AR: variants seen among roughly 807,000 people sequenced by gnomAD.
AR encodes the protein androgen receptor, also known as dihydrotestosterone receptor.
AR carries 8 observed loss-of-function variants against 53.9 expected under a neutral mutation model. That is an observed-to-expected ratio of 0.15 (90% CI 0.09 to 0.27). AR has a LOEUF of 0.27. Among genes scored for constraint, AR ranks in the 10% least tolerant of loss-of-function variants. AR has a pLI of 1.00. For synonymous variants in AR, 359 were observed against 316.4 expected, an observed-to-expected ratio of 1.13 and a Z score of -1.43; for missense variants, 639 against 742.5, an observed-to-expected ratio of 0.86 and a Z score of 1.62.
intron 3 of AR, among the ~76,000 whole-genome samples, chrX:67,697,099 A>G (rs912140881): frequency 1.4e-4 from 16 of 111,981 alleles, no homozygotes; most frequent in South Asian, 1.1e-3. Context: ...TACCTACAGA[A>G]TAAAATACTG....
At position 67,556,802 on chromosome X, in the gene AR, C is replaced by T. The variant is rs903527605; in HGVS notation, c.1616+10040C>T. 2.7e-5 allele frequency among the ~76,000 whole-genome samples: 3 copies of T among 111,586 alleles called. No individual in the cohort carries two copies. The Admixed American group carries it at 2.9e-4, about 11-fold the overall frequency. On this transcript the variant is annotated intron_variant, in intron 1 of 7. Coordinates refer to ENST00000374690, the MANE Select transcript of AR (RefSeq NM_000044.6). ...ATTAGGAAATGAGCTGCTATTTGGA[C>T]ATCTGGAGTTAGAATATTCCAGGCC... is the stretch of plus-strand genomic sequence containing the variant.
At position 67,642,692 on chromosome X, in the gene AR, G is replaced by A. The variant is rs145149291; in HGVS notation, c.1617-564G>A. On this transcript the variant is annotated intron_variant, in intron 1 of 7. Coordinates refer to ENST00000374690, the MANE Select transcript of AR (RefSeq NM_000044.6). Reference sequence around the variant, plus strand: ...AGACTTTTATGATAATACTAATCACGATCCTTGTGTATTTATTCCAATGGC... The same window carrying A: ...AGACTTTTATGATAATACTAATCACAATCCTTGTGTATTTATTCCAATGGC... Among the ~76,000 whole-genome samples, 470 of 111,659 alleles carry A rather than the reference G, an allele frequency of 4.2e-3. 1 individual carries two copies. Among genetic ancestry groups the A allele is most frequent in the Non-Finnish European group, 7.2e-3 (382 of 53,096 alleles).
intron 1 of AR, among the ~76,000 whole-genome samples, chrX:67,642,446 A>G (rs932808366): frequency 8.9e-6 from 1 of 111,832 alleles, no homozygotes; most frequent in African/African-American, 3.2e-5. Flanking sequence ...GTTCTTGCAG[A>G]AAGGCAGTTA....
At chrX:67,656,807 C>T (rs1186885704) in intron 2 of AR, among the ~76,000 whole-genome samples, 2 of 109,942 alleles carry the variant, frequency 1.8e-5, no homozygotes, top group Non-Finnish European at 3.8e-5. Context: ...GAGCAAATGA[C>T]AGCACACAGT....
intron 5 of AR, among the ~76,000 whole-genome samples, 170 bp downstream of exon 5, chrX:67,717,792 A>G (rs759258596): frequency 8.8e-6 from 1 of 113,027 alleles, no homozygotes; most frequent in African/African-American, 3.2e-5. Flanking sequence ...CCTGGCTTTC[A>G]GCCAACTGGC....
At position 67,729,162 on chromosome X, in the gene AR, G is replaced by A. The variant is rs2147547308; in HGVS notation, c.*5321G>A. The A allele has an allele frequency of 5.7e-6, 1 of 174,837 alleles. No homozygotes were observed. Among genetic ancestry groups the A allele is most frequent in the South Asian group, 3.1e-4 (1 of 3,271 alleles). The allele number at this position is 174,837 out of a possible 1,213,427, so 14.4% of individuals were successfully genotyped here. ...TCTGTGTGCTGTAATTCTGGTTTTG[G>A]ATATGTTCTGTAAAGATTTTGACAA... On this transcript the variant is annotated 3_prime_UTR_variant, in exon 8 of 8. Coordinates refer to ENST00000374690, the MANE Select transcript of AR (RefSeq NM_000044.6).
chrX:67,694,892 C>T, intron 3 of AR: 1 of 1,053,831 alleles, frequency 9.5e-7, no homozygotes, highest in Non-Finnish European at 1.2e-6. Context: ...TCCAGCGGGA[C>T]CAATAGTGTT....
chrX:67,719,150 C>A (rs2076125632), intron 5 of AR, among the ~76,000 whole-genome samples: 1 of 111,888 alleles, frequency 8.9e-6, no homozygotes, highest in South Asian at 3.8e-4. Flanking sequence ...CCTCTCCCAA[C>A]CCTGCCAGCC....
intron 2 of AR, among the ~76,000 whole-genome samples, chrX:67,666,217 C>A (rs1194923064): frequency 9.0e-6 from 1 of 111,069 alleles, no homozygotes; most frequent in Non-Finnish European, 1.9e-5. Flanking sequence ...CTCCCACTAC[C>A]CTTCCCAGCC....
chrX:67,711,888 T>G (rs745743401), intron 4 of AR, among the ~76,000 whole-genome samples, 199 bp downstream of exon 4: 1 of 112,032 alleles, frequency 8.9e-6, no homozygotes, highest in African/African-American at 3.2e-5. Flanking sequence ...AGAAAGATAG[T>G]ATTATCGGGT....
chrX:67,548,410 C>CA (rs747808815), intron 1 of AR, among the ~76,000 whole-genome samples: 1 of 111,347 alleles, frequency 9.0e-6, no homozygotes, highest in South Asian at 3.7e-4. Flanking sequence ...TGCTATGGGA[C>CA]AAAAAAAGTA....
At chrX:67,685,824 T>C in intron 2 of AR, 186 bp from the exon 3 acceptor site, 1 of 618,854 alleles carries the variant, frequency 1.6e-6, no homozygotes. Flanking sequence ...TCAAACAATA[T>C]AGTGCCAAAT....
chrX:67,701,771 T>C (rs1385497330), intron 3 of AR, among the ~76,000 whole-genome samples: 1 of 111,436 alleles, frequency 9.0e-6, no homozygotes, highest in African/African-American at 3.3e-5. Flanking sequence ...TCTGTCACCA[T>C]TGGATAAGAT....
At chrX:67,635,871 C>T (rs1291333409) in intron 1 of AR, among the ~76,000 whole-genome samples, 1 of 111,260 alleles carries the variant, frequency 9.0e-6, no homozygotes. Flanking sequence ...CACAATGTCA[C>T]GTGCAAATTC....
intron 1 of AR, among the ~76,000 whole-genome samples, chrX:67,631,792 G>T (rs1200882616): frequency 8.9e-6 from 1 of 112,373 alleles, no homozygotes; most frequent in Non-Finnish European, 1.9e-5. Flanking sequence ...GGTGTTTGAT[G>T]ATGGTGATGT....
At position 67,545,027 on chromosome X, in the gene AR, C is replaced by T; in HGVS notation, c.-120C>T. ...CGCAAGTTTCCTTCTCTGGAGCTTC[C>T]CGCAGGTGGGCAGCTAGCTGCAGCG... On this transcript the variant is annotated 5_prime_UTR_variant, in exon 1 of 8. Coordinates refer to ENST00000374690, the MANE Select transcript of AR (RefSeq NM_000044.6). 2 of 1,043,790 alleles carry T rather than the reference C, an allele frequency of 1.9e-6. No homozygotes were observed. Among genetic ancestry groups the T allele is most frequent in the Non-Finnish European group, 2.5e-6 (2 of 794,683 alleles). The allele number at this position is 1,043,790 out of a possible 1,213,427, so 86.0% of individuals were successfully genotyped here.
intron 1 of AR, among the ~76,000 whole-genome samples, chrX:67,549,201 G>T (rs1165958674): frequency 1.8e-5 from 2 of 111,686 alleles, no homozygotes; most frequent in Admixed American, 9.5e-5. Context: ...AAAGGCAAGA[G>T]ATTTCTTAAG....
chrX:67,627,186 G>A (rs1485496223), intron 1 of AR, among the ~76,000 whole-genome samples: 1 of 111,302 alleles, frequency 9.0e-6, no homozygotes, highest in African/African-American at 3.3e-5. Context: ...TCTAGTTCTA[G>A]ATCCCTGAGG....
At chrX:67,652,147 T>C (rs181947004) in intron 2 of AR, among the ~76,000 whole-genome samples, 138 of 111,862 alleles carry the variant, frequency 1.2e-3, no homozygotes, top group African/African-American at 4.2e-3. Flanking sequence ...ATATTGTCTT[T>C]CAGGATAGAA....
Sources: gnomAD v4.1 joint callset for allele counts (sites outside exome capture counted in the v4.1 genomes callset) on GRCh38, gnomAD v4.1.1 for gene constraint, MANE v1.5 for transcripts, NCBI Gene and HGNC (gene_info 2026-07-23, HGNC 2026-07-21) for gene names.